ZMIZ1: variants seen among roughly 807,000 people sequenced by gnomAD.
The protein encoded by ZMIZ1 is zinc finger MIZ-type containing 1, also known as zinc finger MIZ domain-containing protein 1.
A neutral mutation model predicts 113.9 loss-of-function variants in ZMIZ1; 17 were observed. The observed-to-expected ratio is 0.15, with a 90% CI of 0.10 to 0.22. The LOEUF is 0.22. ZMIZ1 is among the 10% of genes least tolerant of loss of function. The pLI is 1.00. For missense variants in ZMIZ1, 1,059 were observed against 1,477.8 expected, an observed-to-expected ratio of 0.72 and a Z score of 4.65; for synonymous variants, 607 against 603.1, an observed-to-expected ratio of 1.01 and a Z score of -0.09.
At chr10:79,304,612 GGAA>G (rs1290519021) in intron 19 of ZMIZ1, among the ~76,000 whole-genome samples, 1 of 152,222 alleles carries the variant, frequency 6.6e-6, no homozygotes, top group Non-Finnish European at 1.5e-5. Context: ...AGCCCGGCCT[GGAA>G]GAAGAAGGAG....
At chr10:79,158,971 G>A (rs1037348699) in intron 3 of ZMIZ1, among the ~76,000 whole-genome samples, 2 of 152,182 alleles carry the variant, frequency 1.3e-5, no homozygotes, top group Non-Finnish European at 2.9e-5. Context: ...GGCTGCTGTC[G>A]GCACGCTGCC....
At chr10:79,168,302 G>T (rs879842848) in intron 4 of ZMIZ1, among the ~76,000 whole-genome samples, 1 of 152,292 alleles carries the variant, frequency 6.6e-6, no homozygotes, top group East Asian at 1.9e-4. Context: ...CCACCAGCAA[G>T]GGCTGCGGAG....
intron 3 of ZMIZ1, among the ~76,000 whole-genome samples, chr10:79,140,865 C>G (rs1845227540): frequency 6.6e-6 from 1 of 152,160 alleles, no homozygotes; most frequent in Non-Finnish European, 1.5e-5. Flanking sequence ...TCACTGCAGC[C>G]TCGACCTCCC....
chr10:79,103,566 C>A (rs147087777), intron 1 of ZMIZ1, among the ~76,000 whole-genome samples: 1 of 149,034 alleles, frequency 6.7e-6, no homozygotes, highest in Non-Finnish European at 1.5e-5. Context: ...AAAAGGAGGG[C>A]GGAGGGAGAA....
intron 1 of ZMIZ1, among the ~76,000 whole-genome samples, chr10:79,109,411 G>T (rs1279773255): frequency 6.6e-6 from 1 of 152,218 alleles, no homozygotes; most frequent in Non-Finnish European, 1.5e-5. Context: ...TGATCATTAG[G>T]CTCATGGATA....
chr10:79,119,396 G>A (rs1032076021), intron 2 of ZMIZ1, among the ~76,000 whole-genome samples: 3 of 152,204 alleles, frequency 2.0e-5, no homozygotes, highest in African/African-American at 7.2e-5. Flanking sequence ...ACTGTGCAAA[G>A]TACTATAGAG....
rs147624049 is a variant in ZMIZ1, at chr10:79,079,501, G to A, written c.-337+10231G>A. Among the ~76,000 whole-genome samples the A allele has an allele frequency of 1.6e-3, 238 of 152,332 alleles. 1 individual carries two copies. Among genetic ancestry groups the A allele is most frequent in the African/African-American group, 5.5e-3 (230 of 41,574 alleles). On this transcript the variant is annotated intron_variant, in intron 1 of 24. Coordinates refer to ENST00000334512, the MANE Select transcript of ZMIZ1 (RefSeq NM_020338.4). ...CCCCCTCTTCCATTCCACCTCAGTC[G>A]TGTGACTCTTGAAGATGTGAATAGA...
chr10:79,087,679 A>G (rs1842860146), intron 1 of ZMIZ1, among the ~76,000 whole-genome samples: 1 of 152,176 alleles, frequency 6.6e-6, no homozygotes. Context: ...TCTACGATCT[A>G]CAATCTGAAA....
At position 79,085,378 on chromosome 10, in the gene ZMIZ1, C is replaced by T. The variant is rs79928474; in HGVS notation, c.-337+16108C>T. On this transcript the variant is annotated intron_variant, in intron 1 of 24. Coordinates refer to ENST00000334512, the MANE Select transcript of ZMIZ1 (RefSeq NM_020338.4). Reference sequence around the variant, plus strand: ...AACATGCCCAGCGTGACGCCAGGCCCGCAGTTGAGTTCCCACCTGCCATTT... The same window carrying T: ...AACATGCCCAGCGTGACGCCAGGCCTGCAGTTGAGTTCCCACCTGCCATTT... Among the ~76,000 whole-genome samples the T allele has an allele frequency of 6.5e-3, 996 of 152,324 alleles. 4 individuals carry two copies. The highest frequency in any genetic ancestry group is 0.022 in the African/African-American group (915 of 41,570).
At chr10:79,270,530 G>A (rs996373438) in intron 7 of ZMIZ1, among the ~76,000 whole-genome samples, 16 of 152,312 alleles carry the variant, frequency 1.1e-4, no homozygotes, top group Admixed American at 3.3e-4. Context: ...GGAAGAATGC[G>A]CCGCCGATCA....
Position 79,306,317 on chromosome 10 carries a change from A to G in ZMIZ1, c.2641A>G (p.Thr881Ala), listed in dbSNP as rs376607757. Residue 881 changes from threonine to alanine, a missense_variant, in exon 22 of 25, where the codon ACC becomes GCC. This residue lies in a region of ZMIZ1 where 225 missense variants were observed against 276.0 expected (regional missense o/e 0.82). Transcript: ENST00000334512. ...TCCCCTCCCGCCTCCCCCAGGGGGC[A>G]CCAACTCCAACGACTACAGCAGCCA... ...PYPLPPPPGGTNSNDYSSQGN... is the reference protein window; with the variant it reads ...PYPLPPPPGGANSNDYSSQGN... 12 of 1,610,532 alleles carry G rather than the reference A, an allele frequency of 7.5e-6. No individual in the cohort carries two copies. In the African/African-American group the frequency reaches 1.5e-4, roughly 20 times the overall value.
chr10:79,088,816 G>C (rs1842896017), intron 1 of ZMIZ1, among the ~76,000 whole-genome samples: 1 of 152,228 alleles, frequency 6.6e-6, no homozygotes, highest in Non-Finnish European at 1.5e-5. Flanking sequence ...TTCAGTCCTT[G>C]CTCCCCCAGG....
At chr10:79,170,078 A>G (rs1278766702) in intron 4 of ZMIZ1, among the ~76,000 whole-genome samples, 1 of 152,196 alleles carries the variant, frequency 6.6e-6, no homozygotes, top group Non-Finnish European at 1.5e-5. Flanking sequence ...ACCTGTTTAA[A>G]TGCAGATCAC....
At chr10:79,234,194 A>T (rs950682727) in intron 7 of ZMIZ1, among the ~76,000 whole-genome samples, 2 of 152,164 alleles carry the variant, frequency 1.3e-5, no homozygotes, top group African/African-American at 4.8e-5. Flanking sequence ...GGCAGAGAAC[A>T]TAGTTTGGAG....
chr10:79,070,286 A>G (rs944008750), intron 1 of ZMIZ1, among the ~76,000 whole-genome samples: 6 of 151,644 alleles, frequency 4.0e-5, no homozygotes, highest in African/African-American at 1.5e-4. Context: ...ACATCTGTCC[A>G]GGAAGCCGGC....
At chr10:79,093,138 AC>A (rs1843039015) in intron 1 of ZMIZ1, among the ~76,000 whole-genome samples, 1 of 35,264 alleles carries the variant, frequency 2.8e-5, no homozygotes, top group African/African-American at 1.6e-4. Context: ...CACCCCCAAC[AC>A]ACACACACAC....
At chr10:79,075,577 A>ATGCACACC (rs1422292326) in intron 1 of ZMIZ1, among the ~76,000 whole-genome samples, 42 of 28,888 alleles carry the variant, frequency 1.5e-3, no homozygotes, top group Non-Finnish European at 2.1e-3. Context: ...ATGCACACAC[A>ATGCACACC]TGCACACATG....
chr10:79,136,572 G>A (rs563128471), intron 2 of ZMIZ1, among the ~76,000 whole-genome samples: 2 of 152,382 alleles, frequency 1.3e-5, no homozygotes, highest in South Asian at 4.1e-4. Flanking sequence ...CTTGAGGGAG[G>A]TGGAGAGAAG....
chr10:79,278,069 A>G (rs1852417408), intron 8 of ZMIZ1, among the ~76,000 whole-genome samples: 1 of 152,234 alleles, frequency 6.6e-6, no homozygotes, highest in Non-Finnish European at 1.5e-5. Flanking sequence ...CGCAGCCCAG[A>G]GCACACTGCA....
Sources: allele counts gnomAD v4.1 joint callset (sites outside exome capture counted in the v4.1 genomes callset), GRCh38; gene constraint gnomAD v4.1.1; regional missense constraint gnomAD v4.1.1; transcripts MANE v1.5; gene names NCBI Gene and HGNC (gene_info 2026-07-23, HGNC 2026-07-21).